Variants in TBCE observed in about 807,000 individuals in gnomAD.
TBCE encodes the protein tubulin folding cofactor E, also known as tubulin-specific chaperone E.
Under a neutral mutation model 77.0 loss-of-function variants are expected in TBCE, and 53 were observed. The observed-to-expected ratio is 0.69, with a 90% CI of 0.55 to 0.87. TBCE has a LOEUF of 0.87. Among genes scored for constraint, TBCE ranks in the 40% least tolerant of loss-of-function variants. TBCE has a pLI of 0.00. For synonymous variants in TBCE, 235 were observed against 241.3 expected, an observed-to-expected ratio of 0.97 and a Z score of 0.24; for missense variants, 624 against 622.4, an observed-to-expected ratio of 1.00 and a Z score of -0.03.
intron 5 of TBCE, among the ~76,000 whole-genome samples, chr1:235,425,775 G>A (rs1053479371): frequency 6.6e-6 from 1 of 151,990 alleles, no homozygotes; most frequent in African/African-American, 2.4e-5. Context: ...CCACCCCAGG[G>A]CCTTTTGCTC....
intron 13 of TBCE, among the ~76,000 whole-genome samples, chr1:235,439,897 G>C (rs1681727590): frequency 6.6e-6 from 1 of 152,082 alleles, no homozygotes; most frequent in Admixed American, 6.5e-5. Flanking sequence ...CACCTCCTGG[G>C]TTCAAGTGAT....
intron 1 of TBCE, among the ~76,000 whole-genome samples, chr1:235,370,987 G>A (rs1401838873): frequency 7.6e-6 from 1 of 131,866 alleles, no homozygotes; most frequent in African/African-American, 2.9e-5. Context: ...TGATCCGCCC[G>A]CCTCAGCTTC....
intron 4 of TBCE, among the ~76,000 whole-genome samples, chr1:235,417,543 T>C (rs1680174438): frequency 6.6e-6 from 1 of 152,236 alleles, no homozygotes; most frequent in Non-Finnish European, 1.5e-5. Flanking sequence ...GTTTGGGAAG[T>C]TGGGCAGTGC....
rs538952022 is a variant in TBCE, at chr1:235,437,061, G to A, written c.964-261G>A. On this transcript the variant is annotated intron_variant, in intron 11 of 16. Coordinates refer to ENST00000642610, the MANE Select transcript of TBCE (RefSeq NM_003193.5). The stretch of plus-strand genomic sequence containing the variant: ...GGAGAATCGCCTGAACTCAGGAGGC[G>A]GAGGTTGTGATGAGCCGAGATCGCG... 2.6e-4 allele frequency among the ~76,000 whole-genome samples: 40 copies of A among 152,228 alleles called. No individual in the cohort carries two copies. The East Asian group carries it at 3.3e-3, about 13-fold the overall frequency.
At chr1:235,398,151 T>C (rs1678858070) in intron 2 of TBCE, among the ~76,000 whole-genome samples, 1 of 151,932 alleles carries the variant, frequency 6.6e-6, no homozygotes. Flanking sequence ...TCTTTTTTTT[T>C]TTTTTTCTTT....
intron 1 of TBCE, among the ~76,000 whole-genome samples, chr1:235,376,312 T>C (rs1677295122): frequency 6.6e-6 from 1 of 152,160 alleles, no homozygotes; most frequent in Non-Finnish European, 1.5e-5. Context: ...TTACTTCCCA[T>C]TGATGGCTGC....
rs777273223 is a variant in TBCE, at chr1:235,414,463, G to A, written c.216G>A (p.Pro72=). The stretch of plus-strand genomic sequence containing the variant: ...CGACAGGAGGATCCTTTATTCGTCC[G>A]AACAAGGTAAATTTTGGAACAGACT... The part of the protein sequence containing the change: ...RHPTGGSFIR[P]NKVNFGTDFL... Residue 72 remains proline (P), a synonymous_variant, in exon 4 of 17, where the codon CCG becomes CCA. Coordinates refer to ENST00000642610, the MANE Select transcript of TBCE (RefSeq NM_003193.5). 1.2e-5 allele frequency: 19 copies of A among 1,613,546 alleles called. No individual in the cohort carries two copies. The highest frequency in any genetic ancestry group is 1.6e-4 in the Middle Eastern group (1 of 6,084).
intron 1 of TBCE, among the ~76,000 whole-genome samples, chr1:235,376,943 G>A (rs879720151): frequency 2.0e-5 from 3 of 151,864 alleles, no homozygotes; most frequent in Non-Finnish European, 4.4e-5. Flanking sequence ...CAGCCTGAGC[G>A]ACAGAGTGAG....
At chr1:235,397,265 G>C (rs997333478) in intron 2 of TBCE, among the ~76,000 whole-genome samples, 1 of 148,232 alleles carries the variant, frequency 6.7e-6, no homozygotes. Context: ...GCAGTGGCGC[G>C]ATCTGGGCTC....
In TBCE at chr1:235,449,025, TAA is replaced by T. The variant is rs1041048639; in HGVS notation, c.*264_*265del. 1.5e-4 allele frequency: 55 copies of T among 377,992 alleles called. 1 individual carries two copies. Among genetic ancestry groups the T allele is most frequent in the South Asian group, 1.2e-3 (52 of 42,312 alleles). 23.4% of individuals were successfully genotyped at this position (377,992 alleles called of 1,614,324 possible). ...TACAGCTCATCACTGCATTTCATGA[TAA>T]GATTTAAATATTAAATAGAAAGAAA... On this transcript the variant is annotated 3_prime_UTR_variant, in exon 17 of 17. Coordinates refer to ENST00000642610, the MANE Select transcript of TBCE (RefSeq NM_003193.5).
At chr1:235,414,857 A>C in intron 4 of TBCE, 1 of 493,196 alleles carries the variant, frequency 2.0e-6, no homozygotes, top group South Asian at 2.1e-5. Flanking sequence ...TTGGCCCATT[A>C]TTACTATTCA....
chr1:235,445,719 T>G (rs1020930558), intron 15 of TBCE, among the ~76,000 whole-genome samples: 1 of 151,732 alleles, frequency 6.6e-6, no homozygotes. Context: ...CTGGCTGGCA[T>G]GAAAAAGCAG....
At chr1:235,416,011 TACAA>T (rs1186238596) in intron 4 of TBCE, 1 of 151,318 alleles carries the variant, frequency 6.6e-6, no homozygotes, top group Non-Finnish European at 1.5e-5. Context: ...CTACTAAAAA[TACAA>T]ACAATTAGCT....
chr1:235,442,569 G>GTTT (rs1394503088), intron 14 of TBCE, among the ~76,000 whole-genome samples: 8 of 152,180 alleles, frequency 5.3e-5, no homozygotes, highest in Non-Finnish European at 1.2e-4. Context: ...GGGAGGTATT[G>GTTT]GAGTTGTGAA....
chr1:235,403,223 T>C (rs535954174), intron 3 of TBCE, among the ~76,000 whole-genome samples: 2 of 152,258 alleles, frequency 1.3e-5, no homozygotes, highest in African/African-American at 2.4e-5. Context: ...TTTCTTTTTT[T>C]TGAGATGTAG....
intron 12 of TBCE, 118 bp downstream of exon 12, chr1:235,437,592 G>A (rs774480153): frequency 3.3e-6 from 4 of 1,228,162 alleles, no homozygotes; most frequent in Admixed American, 2.0e-5. Flanking sequence ...CAGGCTGATC[G>A]CTGCAGTCCA....
chr1:235,446,779 C>T (rs1436592735), intron 15 of TBCE, among the ~76,000 whole-genome samples: 1 of 150,630 alleles, frequency 6.6e-6, no homozygotes, highest in Admixed American at 6.6e-5. Flanking sequence ...CTCACTGTAG[C>T]CTTGACCTCC....
Position 235,448,395 on chromosome 1 carries a change from C to CA in TBCE, c.1449dup (p.Val484SerfsTer11). 6.2e-7 allele frequency: 1 copy of CA among 1,614,100 alleles called. No homozygotes were observed. Among genetic ancestry groups the CA allele is most frequent in the Non-Finnish European group, 8.5e-7 (1 of 1,179,978 alleles). ...TGAAGGGATTGCTGTCACGTCTTCT[C>CA]AAAGTTCCTGTGTCAGACCTTCTGT... On this transcript the variant is annotated frameshift_variant, in exon 16 of 17. Coordinates refer to ENST00000642610, the MANE Select transcript of TBCE (RefSeq NM_003193.5). LOFTEE classifies it high-confidence loss of function.
chr1:235,400,328 A>T (rs1679017072), intron 2 of TBCE, among the ~76,000 whole-genome samples: 1 of 150,358 alleles, frequency 6.7e-6, no homozygotes, highest in Non-Finnish European at 1.5e-5. Context: ...TTAGGCTTCT[A>T]TCTGGTATAA....
Sources: gnomAD v4.1 joint callset for allele counts (sites outside exome capture counted in the v4.1 genomes callset) on GRCh38, gnomAD v4.1.1 for gene constraint, MANE v1.5 for transcripts, NCBI Gene and HGNC (gene_info 2026-07-23, HGNC 2026-07-21) for gene names.